Variants in EPHA7 observed in about 807,000 individuals in gnomAD.
EPHA7 encodes the protein EPH receptor A7.
EPHA7 carries 25 observed loss-of-function variants against 112.6 expected under a neutral mutation model. The observed-to-expected ratio is 0.22, with a 90% CI of 0.16 to 0.31. The LOEUF (loss-of-function observed/expected upper bound fraction) is 0.31. Among genes scored for constraint, EPHA7 ranks in the 10% least tolerant of loss-of-function variants. The probability of loss-of-function intolerance (pLI) is 1.00; values close to 1 mark genes in which losing one functional copy is unlikely to be tolerated. For missense variants in EPHA7, 962 were observed against 1,212.6 expected (o/e 0.79, Z 3.07); for synonymous variants, 437 against 406.5 (o/e 1.07, Z -0.90).
At chr6:93,269,730 A>C in intron 6 of EPHA7, 70 bp from the exon 7 acceptor site, 1 of 1,222,142 alleles carries the variant, frequency 8.2e-7, no homozygotes, top group Non-Finnish European at 1.1e-6. Context: ...CAACTGTTTC[A>C]ATTTAATTCA....
chr6:93,313,306 T>A (rs1031228594), intron 5 of EPHA7, among the ~76,000 whole-genome samples: 15 of 152,162 alleles, frequency 9.9e-5, no homozygotes, highest in African/African-American at 1.7e-4. Context: ...CAAAAAGATT[T>A]CATTTCATGA....
At chr6:93,255,489 C>A (rs891677981) in intron 13 of EPHA7, among the ~76,000 whole-genome samples, 2 of 152,068 alleles carry the variant, frequency 1.3e-5, no homozygotes, top group Non-Finnish European at 2.9e-5. Context: ...TAAGGATTAG[C>A]ATAGTTAATA....
At chr6:93,388,864 G>A (rs1777763244) in intron 3 of EPHA7, among the ~76,000 whole-genome samples, 1 of 151,972 alleles carries the variant, frequency 6.6e-6, no homozygotes, top group African/African-American at 2.4e-5. Flanking sequence ...TAGAAACTAT[G>A]GGAGGAAATG....
chr6:93,362,937 C>T (rs1347838975), intron 3 of EPHA7, among the ~76,000 whole-genome samples: 4 of 152,036 alleles, frequency 2.6e-5, no homozygotes, highest in Admixed American at 2.0e-4. Context: ...GCTAGAAAAT[C>T]CACCTACTTC....
chr6:93,408,244 A>T (rs1327244732), intron 3 of EPHA7, among the ~76,000 whole-genome samples: 4 of 152,058 alleles, frequency 2.6e-5, no homozygotes, highest in Admixed American at 2.6e-4. Flanking sequence ...AGTTCTGCAT[A>T]ATATTGAAAC....
chr6:93,335,684 T>C (rs1774833054), intron 5 of EPHA7, among the ~76,000 whole-genome samples: 2 of 152,156 alleles, frequency 1.3e-5, no homozygotes, highest in East Asian at 3.9e-4. Context: ...ATCCCATTCC[T>C]ATCTATCTAT....
chr6:93,256,729 T>C lies in EPHA7; in HGVS notation c.2173-692A>G, dbSNP rs137878440. On this transcript the variant is annotated intron_variant, in intron 12 of 16. Transcript: ENST00000369303. ...GCTGGATGAAGTATGCTAGTCTGAG[T>C]TGATTAATTTTCTAGTTGATACTTT... Among the ~76,000 whole-genome samples the C allele has an allele frequency of 1.2e-3, 190 of 152,218 alleles. 1 individual carries two copies. Among genetic ancestry groups the C allele is most frequent in the African/African-American group, 4.4e-3 (183 of 41,560 alleles).
At position 93,263,888 on chromosome 6, in the gene EPHA7, T is replaced by G. The variant is rs1582410223; in HGVS notation, c.1770A>C (p.Gln590His). Residue 590 changes from glutamine to histidine, a missense_variant, in exon 9 of 17, where the codon CAA becomes CAC. Physicochemically the swap from Gln to His is conservative, Grantham distance 24. Coordinates refer to ENST00000369303, the MANE Select transcript of EPHA7 (RefSeq NM_004440.4). Reference protein sequence around the residue: ...RRHCGYSKADQEGDEELYFHF... With the variant: ...RRHCGYSKADHEGDEELYFHF... ...GAAAGTAAAGCTCTTCATCGCCTTC[T>G]TGGTCAGCTTTGCTATAACCACAGT... 5 of 1,609,664 alleles carry G rather than the reference T, an allele frequency of 3.1e-6. No homozygotes were observed. The East Asian group carries it at 1.1e-4, about 36-fold the overall frequency.
rs552256310 is a variant in EPHA7, at chr6:93,271,185, C to T, written c.1449+1113G>A. Among the ~76,000 whole-genome samples, 15 of 151,694 alleles carry T rather than the reference C, an allele frequency of 9.9e-5. No individual in the cohort carries two copies. The East Asian group carries it at 2.9e-3, about 30-fold the overall frequency. On this transcript the variant is annotated intron_variant, in intron 6 of 16. Transcript: ENST00000369303. ...TGAAGCATATAAAATGCAACCTTAGCCATGAAGTCATGAATTCATAATGTA... is the reference window on the plus strand; with the variant it reads ...TGAAGCATATAAAATGCAACCTTAGTCATGAAGTCATGAATTCATAATGTA...
chr6:93,294,470 G>A (rs1772549577), intron 5 of EPHA7, among the ~76,000 whole-genome samples: 2 of 151,978 alleles, frequency 1.3e-5, no homozygotes, highest in South Asian at 4.2e-4. Flanking sequence ...ATATTTACTG[G>A]AGAAATATAT....
rs1035569618 is a variant in EPHA7, at chr6:93,242,270, T to C, written c.*1156A>G. 9.9e-6 allele frequency: 2 copies of C among 202,184 alleles called. No homozygotes were observed. Among genetic ancestry groups the C allele is most frequent in the Non-Finnish European group, 2.0e-5 (2 of 98,030 alleles). The allele number at this position is 202,184 out of a possible 1,614,324, so 12.5% of individuals were successfully genotyped here. A position where few individuals can be genotyped will look rare whatever the true frequency, so the allele number is the denominator to read the frequency against. On this transcript the variant is annotated 3_prime_UTR_variant, in exon 17 of 17. Transcript: ENST00000369303. Reference sequence around the variant, plus strand: ...ACAAAAGACTTTTTGTTTTGTTTTGTTTTGAACTGCAATGGTGATATTCTG... The same window carrying C: ...ACAAAAGACTTTTTGTTTTGTTTTGCTTTGAACTGCAATGGTGATATTCTG...
intron 3 of EPHA7, among the ~76,000 whole-genome samples, chr6:93,398,672 G>A (rs1778297390): frequency 6.6e-6 from 1 of 151,876 alleles, no homozygotes; most frequent in Non-Finnish European, 1.5e-5. Context: ...ATTAGAGGAT[G>A]AATACATACA....
intron 5 of EPHA7, among the ~76,000 whole-genome samples, chr6:93,321,675 A>T (rs1774082110): frequency 1.3e-5 from 2 of 151,922 alleles, no homozygotes; most frequent in Admixed American, 1.3e-4. Context: ...CTTCAGCAAG[A>T]ACAGGGAAGT....
At chr6:93,391,808 C>T (rs577905495) in intron 3 of EPHA7, among the ~76,000 whole-genome samples, 61 of 151,638 alleles carry the variant, frequency 4.0e-4, no homozygotes, top group African/African-American at 1.4e-3. Flanking sequence ...ACTTTCTAAC[C>T]TATTGCTTCC....
At chr6:93,301,757 TCAAAGA>T (rs1008916455) in intron 5 of EPHA7, among the ~76,000 whole-genome samples, 3 of 152,164 alleles carry the variant, frequency 2.0e-5, no homozygotes, top group African/African-American at 7.2e-5. Context: ...GTGATCTTTC[TCAAAGA>T]CAATCTAGAA....
At position 93,240,848 on chromosome 6, in the gene EPHA7, C is replaced by T. The variant is rs10806473; in HGVS notation, c.*2578G>A. The T allele has an allele frequency of 0.086, 17,826 of 207,900 alleles. 862 individuals are homozygous for T. The highest frequency in any genetic ancestry group is 0.23 in the Middle Eastern group (150 of 650). The allele number at this position is 207,900 out of a possible 1,614,324, so 12.9% of individuals were successfully genotyped here. A position where few individuals can be genotyped will look rare whatever the true frequency, so the allele number is the denominator to read the frequency against. The stretch of plus-strand genomic sequence containing the variant: ...TACAATCAGCATTACAATGTTAATT[C>T]TTTTTCTCTTAATATTTGTTTCACA... On this transcript the variant is annotated 3_prime_UTR_variant, in exon 17 of 17. Transcript: ENST00000369303.
intron 5 of EPHA7, among the ~76,000 whole-genome samples, chr6:93,282,215 G>A (rs1771779687): frequency 6.6e-6 from 1 of 152,138 alleles, no homozygotes; most frequent in African/African-American, 2.4e-5. Context: ...GGGAATATGA[G>A]ATTTGTCTTT....
chr6:93,322,946 CAG>C (rs577714544), intron 5 of EPHA7, among the ~76,000 whole-genome samples: 263 of 151,458 alleles, frequency 1.7e-3, no homozygotes, highest in African/African-American at 6.0e-3. Flanking sequence ...CATAGAATAG[CAG>C]TTAATCAAGT....
intron 5 of EPHA7, among the ~76,000 whole-genome samples, chr6:93,313,182 T>C (rs1773629798): frequency 6.6e-6 from 1 of 152,082 alleles, no homozygotes; most frequent in African/African-American, 2.4e-5. Context: ...TCGTAAAAAA[T>C]GCGATATCTG....
Sources: allele counts gnomAD v4.1 joint callset (sites outside exome capture counted in the v4.1 genomes callset), GRCh38; gene constraint gnomAD v4.1.1; transcripts MANE v1.5; gene names NCBI Gene and HGNC (gene_info 2026-07-23, HGNC 2026-07-21).